The following DGKB variants were observed in gnomAD, a reference collection of about 807,000 sequenced individuals.
DGKB encodes diacylglycerol kinase beta.
Under a neutral mutation model 114.3 loss-of-function variants are expected in DGKB, and 67 were observed. The ratio of observed to expected loss-of-function variants is 0.59; its 90% CI spans 0.48 to 0.72. The LOEUF (loss-of-function observed/expected upper bound fraction) is 0.72. Among genes scored for constraint, DGKB ranks in the 30% least tolerant of loss-of-function variants. The probability of loss-of-function intolerance (pLI) is 0.00; values close to 1 mark genes in which losing one functional copy is unlikely to be tolerated. For missense variants in DGKB, 907 were observed against 975.2 expected, an observed-to-expected ratio of 0.93 and a Z score of 0.93; for synonymous variants, 398 against 323.1, an observed-to-expected ratio of 1.23 and a Z score of -2.49.
chr7:14,678,200 T>G (rs1262718659), intron 12 of DGKB, among the ~76,000 whole-genome samples: 2 of 152,008 alleles, frequency 1.3e-5, no homozygotes, highest in Admixed American at 6.6e-5. Flanking sequence ...GAACTTCAGG[T>G]GATTAGGAAA....
intron 2 of DGKB, among the ~76,000 whole-genome samples, chr7:14,829,431 G>C (rs1473191056): frequency 2.6e-5 from 4 of 152,112 alleles, no homozygotes; most frequent in Admixed American, 2.6e-4. Flanking sequence ...CTTTGACACT[G>C]GAAGGTTTTA....
chr7:14,378,373 T>A (rs1818833239), intron 21 of DGKB, among the ~76,000 whole-genome samples: 1 of 152,188 alleles, frequency 6.6e-6, no homozygotes, highest in Admixed American at 6.5e-5. Context: ...GAATATTCAT[T>A]TTTAGTTTGA....
At chr7:14,297,741 G>A (rs916419839) in intron 23 of DGKB, among the ~76,000 whole-genome samples, 3 of 152,020 alleles carry the variant, frequency 2.0e-5, no homozygotes, top group African/African-American at 4.8e-5. Flanking sequence ...AGGGTATTCA[G>A]ATAGGAAGAG....
At chr7:14,746,409 G>C (rs1184023811) in intron 4 of DGKB, among the ~76,000 whole-genome samples, 1 of 152,060 alleles carries the variant, frequency 6.6e-6, no homozygotes, top group Non-Finnish European at 1.5e-5. Flanking sequence ...CATACACTTG[G>C]GCACATAATA....
chr7:14,524,128 A>T (rs142606847), intron 20 of DGKB, among the ~76,000 whole-genome samples: 1 of 152,286 alleles, frequency 6.6e-6, no homozygotes, highest in African/African-American at 2.4e-5. Flanking sequence ...CTCATTGTCT[A>T]ATGTTTGTAT....
intron 6 of DGKB, among the ~76,000 whole-genome samples, chr7:14,716,853 A>G (rs1828275141): frequency 6.6e-6 from 1 of 152,340 alleles, no homozygotes; most frequent in African/African-American, 2.4e-5. Context: ...CTACGGCATC[A>G]TGTATTTTGA....
chr7:14,309,508 C>G (rs979881315), intron 23 of DGKB, among the ~76,000 whole-genome samples: 1 of 152,162 alleles, frequency 6.6e-6, no homozygotes, highest in Admixed American at 6.5e-5. Context: ...CTGGTTTATT[C>G]CATGATCAGA....
At chr7:14,786,375 A>G (rs1048906308) in intron 2 of DGKB, among the ~76,000 whole-genome samples, 1 of 152,198 alleles carries the variant, frequency 6.6e-6, no homozygotes, top group African/African-American at 2.4e-5. Context: ...GAAAATACCT[A>G]AAGACCATGT....
intron 2 of DGKB, among the ~76,000 whole-genome samples, chr7:14,813,388 A>G (rs1333317390): frequency 1.3e-5 from 2 of 152,210 alleles, no homozygotes; most frequent in Non-Finnish European, 2.9e-5. Context: ...ATGAGTACCA[A>G]TGAGAGAGAT....
At chr7:14,314,082 G>C (rs921329438) in intron 23 of DGKB, among the ~76,000 whole-genome samples, 1 of 152,128 alleles carries the variant, frequency 6.6e-6, no homozygotes, top group Non-Finnish European at 1.5e-5. Context: ...CTGTCTGTTA[G>C]AAGGAAAACT....
intron 18 of DGKB, among the ~76,000 whole-genome samples, chr7:14,582,850 G>A (rs1177691433): frequency 6.6e-6 from 1 of 152,100 alleles, no homozygotes; most frequent in Non-Finnish European, 1.5e-5. Flanking sequence ...TAGAAAGGAA[G>A]GACTTCTATG....
rs1261806339 is a variant in DGKB at position 14,512,013 on chromosome 7, C to T, written c.1771-33788G>A. On this transcript the variant is annotated intron_variant, in intron 20 of 25. Coordinates refer to ENST00000402815, the MANE Select transcript of DGKB (RefSeq NM_001350709.2). ...GATTACTTATCACAAATCACCAAAG[C>T]AGATATAATAATGAAAATATTTGAA... 3.9e-5 allele frequency among the ~76,000 whole-genome samples: 6 copies of T among 152,148 alleles called. No homozygotes were observed. In the East Asian group the frequency reaches 1.2e-3, roughly 29 times the overall value.
At chr7:14,770,130 T>A (rs1837202582) in intron 2 of DGKB, among the ~76,000 whole-genome samples, 1 of 152,050 alleles carries the variant, frequency 6.6e-6, no homozygotes, top group Non-Finnish European at 1.5e-5. Flanking sequence ...TGGAATTTTG[T>A]AAAATTGTTA....
intron 20 of DGKB, among the ~76,000 whole-genome samples, chr7:14,552,098 A>G (rs984502016): frequency 6.6e-6 from 1 of 152,166 alleles, no homozygotes. Flanking sequence ...ATATGCTAAC[A>G]GTTTAAAAGG....
intron 13 of DGKB, among the ~76,000 whole-genome samples, chr7:14,651,010 T>G (rs1287528849): frequency 6.6e-6 from 1 of 151,364 alleles, no homozygotes; most frequent in Non-Finnish European, 1.5e-5. Context: ...AATCAATAGC[T>G]TACCAACCAA....
chr7:14,161,774 CCTGCACATT>C (rs1009665348), intron 25 of DGKB, among the ~76,000 whole-genome samples: 1 of 151,716 alleles, frequency 6.6e-6, no homozygotes, highest in Non-Finnish European at 1.5e-5. Context: ...ATGTAACAAA[CCTGCACATT>C]CTGCACATGG....
chr7:14,448,048 T>C (rs1161074979), intron 21 of DGKB, among the ~76,000 whole-genome samples: 1 of 152,138 alleles, frequency 6.6e-6, no homozygotes, highest in South Asian at 2.1e-4. Flanking sequence ...ATCTGCTCAT[T>C]AGTTTTCTCA....
intron 2 of DGKB, among the ~76,000 whole-genome samples, chr7:14,772,311 T>G (rs1014781176): frequency 6.6e-6 from 1 of 152,106 alleles, no homozygotes; most frequent in African/African-American, 2.4e-5. Context: ...ATTGGTCAAC[T>G]GGGCTATGAA....
At chr7:14,690,117 T>C (rs1277137633) in intron 9 of DGKB, among the ~76,000 whole-genome samples, 1 of 152,226 alleles carries the variant, frequency 6.6e-6, no homozygotes, top group African/African-American at 2.4e-5. Context: ...TTCCCTATAA[T>C]ATAAATTCAG....
Sources: gnomAD v4.1 joint callset for allele counts (sites outside exome capture counted in the v4.1 genomes callset) on GRCh38, gnomAD v4.1.1 for gene constraint, MANE v1.5 for transcripts, NCBI Gene and HGNC (gene_info 2026-07-23, HGNC 2026-07-21) for gene names.